ZFAT: variants seen among roughly 807,000 people sequenced by gnomAD.
The protein encoded by ZFAT is zinc finger protein ZFAT.
A neutral mutation model predicts 117.7 loss-of-function variants in ZFAT; 64 were observed. That is an observed-to-expected ratio of 0.54 (90% CI 0.44 to 0.67). The LOEUF (loss-of-function observed/expected upper bound fraction) is 0.67, where lower values mean the gene tolerates loss of function less well. ZFAT is among the 30% of genes least tolerant of loss of function. The pLI is 0.00. For missense variants in ZFAT, 1,433 were observed against 1,584.5 expected (o/e 0.90, Z 1.62); for synonymous variants, 679 against 615.0 (o/e 1.10, Z -1.54).
rs187672458 is a variant in ZFAT at position 134,654,123 on chromosome 8, C to T, written c.196+3438G>A. On this transcript the variant is annotated intron_variant, in intron 2 of 15. Coordinates refer to ENST00000377838, the MANE Select transcript of ZFAT (RefSeq NM_020863.4). The stretch of plus-strand genomic sequence containing the variant: ...ACCAGCCTGGCCAACATGGCAAATC[C>T]ATCTCTACTAAAAATACAAAAATTA... 1.2e-4 allele frequency among the ~76,000 whole-genome samples: 18 copies of T among 152,168 alleles called. 1 individual carries two copies. Among genetic ancestry groups the T allele is most frequent in the African/African-American group, 4.3e-4 (18 of 41,544 alleles).
chr8:134,483,852 T>C (rs1370675975), intron 15 of ZFAT, among the ~76,000 whole-genome samples: 2 of 152,196 alleles, frequency 1.3e-5, no homozygotes, highest in East Asian at 3.8e-4. Flanking sequence ...AGACCCCATG[T>C]CTTCCTTGGC....
chr8:134,578,687 C>A (rs866136032), intron 10 of ZFAT, among the ~76,000 whole-genome samples: 3 of 152,152 alleles, frequency 2.0e-5, no homozygotes, highest in Admixed American at 6.5e-5. Context: ...GAGGCTACTG[C>A]AAGAATGGAG....
chr8:134,533,837 C>T (rs183414158), intron 11 of ZFAT, among the ~76,000 whole-genome samples: 2 of 152,324 alleles, frequency 1.3e-5, no homozygotes, highest in Middle Eastern at 3.4e-3. Flanking sequence ...TGAGACCTGG[C>T]CTTTGGCTGG....
In ZFAT at chr8:134,620,168, G is replaced by A. The variant is rs2131016053; in HGVS notation, c.449-9513C>T. The stretch of plus-strand genomic sequence containing the variant: ...CAGAGGTGTGAAAGGCTTACAGGAA[G>A]CTCAGGCACCACAGCATGCAAACAC... On this transcript the variant is annotated intron_variant, in intron 3 of 15. Transcript: ENST00000377838. Among the ~76,000 whole-genome samples, 3 of 152,346 alleles carry A rather than the reference G, an allele frequency of 2.0e-5. No individual in the cohort carries two copies. The South Asian group carries it at 6.2e-4, about 32-fold the overall frequency.
chr8:134,481,609 G>A (rs1477848749), intron 15 of ZFAT, among the ~76,000 whole-genome samples: 5 of 152,194 alleles, frequency 3.3e-5, no homozygotes, highest in Non-Finnish European at 7.3e-5. Context: ...GGAGAACCAC[G>A]CCAGGACCAG....
chr8:134,688,036 T>C (rs1833412099), intron 1 of ZFAT, among the ~76,000 whole-genome samples: 1 of 151,972 alleles, frequency 6.6e-6, no homozygotes, highest in South Asian at 2.1e-4. Flanking sequence ...CCTGAATCTG[T>C]AGGGACTCAG....
the ZFAT span, among the ~76,000 whole-genome samples, chr8:134,724,873 T>C: frequency 6.6e-6 from 1 of 152,106 alleles, no homozygotes; most frequent in Non-Finnish European, 1.5e-5. Context: ...CTTCTCCCTT[T>C]GCGAACTGAA....
At chr8:134,613,656 AC>A (rs1377286205) in intron 3 of ZFAT, among the ~76,000 whole-genome samples, 2 of 152,208 alleles carry the variant, frequency 1.3e-5, no homozygotes, top group Non-Finnish European at 2.9e-5. Flanking sequence ...CACTCCAGGA[AC>A]TTGGAAAGCT....
At chr8:134,764,834 C>T in the ZFAT span, 1 of 152,088 alleles carries the variant, frequency 6.6e-6, no homozygotes, top group Non-Finnish European at 1.5e-5. Flanking sequence ...ATGGCAGCAC[C>T]CATCTGCTGT....
Position 134,602,309 on chromosome 8 carries a change from G to A in ZFAT, c.1410C>T (p.Ser470=), listed in dbSNP as rs1292731437. ...CAVCRKKFVS[S]IRLRTHIKEV... is the part of the protein sequence containing the mutation. ...CTTTGATGTGGGTGCGCAGCCTGAT[G>A]GAGCTGACGAACTTCTTGCGGCAGA... The change falls in exon 6 of 16, where the codon TCC becomes TCT. Residue 470 remains serine (S), a synonymous_variant. Transcript: ENST00000377838. The A allele has an allele frequency of 6.2e-7, 1 of 1,613,960 alleles. No homozygotes were observed. The highest frequency in any genetic ancestry group is 8.5e-7 in the Non-Finnish European group (1 of 1,180,050).
At chr8:134,831,368 TCA>T in the ZFAT span, among the ~76,000 whole-genome samples, 1 of 152,228 alleles carries the variant, frequency 6.6e-6, no homozygotes, top group Non-Finnish European at 1.5e-5. Context: ...AACTTTTTTA[TCA>T]TTTAGTCCTA....
At chr8:134,689,444 G>GC (rs1833491592) in intron 1 of ZFAT, among the ~76,000 whole-genome samples, 1 of 152,188 alleles carries the variant, frequency 6.6e-6, no homozygotes, top group Non-Finnish European at 1.5e-5. Context: ...AACCTGCCCT[G>GC]CATCAACACC....
At chr8:134,724,382 C>T in the ZFAT span, among the ~76,000 whole-genome samples, 227 of 152,260 alleles carry the variant, frequency 1.5e-3, 1 homozygote, top group South Asian at 5.4e-3. Context: ...TCAGAAAGAA[C>T]GCATGCCCCT....
At chr8:134,515,040 T>C (rs1409007946) in intron 13 of ZFAT, among the ~76,000 whole-genome samples, 1 of 151,898 alleles carries the variant, frequency 6.6e-6, no homozygotes, top group Non-Finnish European at 1.5e-5. Context: ...CTCCCATTTA[T>C]GAGTGAGAAC....
the ZFAT span, among the ~76,000 whole-genome samples, chr8:134,811,223 A>G: frequency 6.6e-6 from 1 of 152,186 alleles, no homozygotes; most frequent in African/African-American, 2.4e-5. Context: ...GAATGAAGGA[A>G]TGATCAGTAA....
At chr8:134,810,584 T>C in the ZFAT span, among the ~76,000 whole-genome samples, 1 of 152,204 alleles carries the variant, frequency 6.6e-6, no homozygotes, top group Non-Finnish European at 1.5e-5. Flanking sequence ...GCCACACCTG[T>C]TCCTTCAAAT....
chr8:134,830,050 G>A, the ZFAT span, among the ~76,000 whole-genome samples: 4 of 152,184 alleles, frequency 2.6e-5, no homozygotes, highest in African/African-American at 7.2e-5. Flanking sequence ...ACCACCTGGA[G>A]TAAACCGTTC....
chr8:134,612,711 G>A (rs1444865677), intron 3 of ZFAT, among the ~76,000 whole-genome samples: 3 of 152,160 alleles, frequency 2.0e-5, no homozygotes, highest in Non-Finnish European at 2.9e-5. Context: ...ACTAAATATG[G>A]TAACATTGAG....
chr8:134,577,600 A>G (rs1389924677), intron 10 of ZFAT, among the ~76,000 whole-genome samples: 2 of 152,224 alleles, frequency 1.3e-5, no homozygotes, highest in Non-Finnish European at 2.9e-5. Context: ...CCACTCATTC[A>G]ATAAACACAA....
Sources: allele counts gnomAD v4.1 joint callset (sites outside exome capture counted in the v4.1 genomes callset), GRCh38; gene constraint gnomAD v4.1.1; transcripts MANE v1.5; gene names NCBI Gene and HGNC (gene_info 2026-07-23, HGNC 2026-07-21).